Variants in TAF6L observed in about 807,000 individuals in gnomAD.
TAF6L encodes the protein TATA-box binding protein associated factor 6 like, also known as TAF6-like RNA polymerase II p300/CBP-associated factor-associated factor 65 kDa subunit 6L.
TAF6L carries 34 observed loss-of-function variants against 57.3 expected under a neutral mutation model. The observed-to-expected ratio is 0.59, with a 90% CI of 0.45 to 0.79. The LOEUF (loss-of-function observed/expected upper bound fraction) is 0.79, where lower values mean the gene tolerates loss of function less well. Among genes scored for constraint, TAF6L ranks in the 30% least tolerant of loss-of-function variants. The pLI is 0.00. For synonymous variants in TAF6L, 417 were observed against 376.3 expected, an observed-to-expected ratio of 1.11 and a Z score of -1.25; for missense variants, 782 against 853.2, an observed-to-expected ratio of 0.92 and a Z score of 1.04.
At position 62,787,117 on chromosome 11, in the gene TAF6L, A is replaced by G; in HGVS notation, c.1690A>G (p.Ile564Val). The change falls in exon 11 of 11, where the codon ATA (isoleucine) becomes GTA (valine). Residue 564 changes from isoleucine (I) to valine (V), a missense_variant. By Grantham distance (29) the Ile-to-Val change is conservative. Transcript: ENST00000294168. ...PRGAPHFRFI[I>V]AGRQAGRRCR... ...CGGCGCCCCGCACTTTCGTTTCATC[A>G]TAGCCGGGCGGCAGGCTGGGAGGCG... 4 of 1,553,822 alleles carry G rather than the reference A, an allele frequency of 2.6e-6. No homozygotes were observed. The highest frequency in any genetic ancestry group is 2.6e-6 in the Non-Finnish European group (3 of 1,157,944).
chr11:62,786,142 T>C (rs2134727373), intron 9 of TAF6L, 118 bp from the exon 10 acceptor site: 2 of 1,282,772 alleles, frequency 1.6e-6, no homozygotes, highest in Non-Finnish European at 1.1e-6. Flanking sequence ...TCAGGGAATT[T>C]AGGAGGATTG....
chr11:62,779,978 T>TATATATA (rs1590935179), intron 6 of TAF6L, among the ~76,000 whole-genome samples: 1 of 74,260 alleles, frequency 1.3e-5, no homozygotes, highest in Admixed American at 1.9e-4. Flanking sequence ...ATATATATAT[T>TATATATA]TTTTTTTTTT....
At position 62,786,853 on chromosome 11, in the gene TAF6L, G is replaced by A; in HGVS notation, c.1426G>A (p.Ala476Thr). 1 of 1,595,590 alleles carries A rather than the reference G, an allele frequency of 6.3e-7. No homozygotes were observed. The highest frequency in any genetic ancestry group is 1.7e-5 in the Admixed American group (1 of 59,116). The change falls in exon 11 of 11, where the codon GCG becomes ACG. Residue 476 changes from alanine to threonine, a missense_variant. Physicochemically the swap from Ala to Thr is moderately conservative, Grantham distance 58 (BLOSUM62 0). This residue lies in a region of TAF6L where 483 missense variants were observed against 445.1 expected (regional missense o/e 1.09). Coordinates refer to ENST00000294168, the MANE Select transcript of TAF6L (RefSeq NM_006473.4). The stretch of plus-strand genomic sequence containing the variant: ...GCCGCCCGGGGACAAGAAGGAGCCG[G>A]CGGCAGCCCCGGACTCGGTGCGGAA... ...PRPPGDKKEP[A>T]AAPDSVRKMP...
At chr11:62,772,751 T>C (rs1339929673) in intron 1 of TAF6L, among the ~76,000 whole-genome samples, 1 of 146,464 alleles carries the variant, frequency 6.8e-6, no homozygotes, top group Non-Finnish European at 1.5e-5. Context: ...TGAGCCGAGA[T>C]CAAGCCACTG....
Position 62,782,232 on chromosome 11 carries a change from C to A in TAF6L, c.726C>A (p.Val242=), listed in dbSNP as rs370896310. The part of the protein sequence containing the change: ...GPYVRCLVGS[V]LYCVLEPLAA... ...ATGTCCGCTGTCTGGTGGGCAGTGT[C>A]CTCTACTGTGTCCTGGAGCCACTGG... The change falls in exon 8 of 11, where the codon GTC becomes GTA. Residue 242 remains valine (V), a synonymous_variant. Transcript: ENST00000294168. 2 of 1,614,222 alleles carry A rather than the reference C, an allele frequency of 1.2e-6. No homozygotes were observed. Among genetic ancestry groups the A allele is most frequent in the South Asian group, 2.2e-5 (2 of 91,084 alleles).
At position 62,786,816 on chromosome 11, in the gene TAF6L, C is replaced by G. The variant is rs2084282894; in HGVS notation, c.1389C>G (p.Pro463=). The part of the protein sequence containing the change: ...ATRFGTGQPA[P]TAPRPPGDKK... The stretch of plus-strand genomic sequence containing the variant: ...GCTTTGGCACCGGCCAGCCTGCACC[C>G]ACGGCTCCGCGGCCGCCCGGGGACA... The change falls in exon 11 of 11, where the codon CCC becomes CCG. Residue 463 remains proline (P), a synonymous_variant. Transcript: ENST00000294168. The G allele has an allele frequency of 6.2e-7, 1 of 1,606,512 alleles. No individual in the cohort carries two copies. Among genetic ancestry groups the G allele is most frequent in the African/African-American group, 1.3e-5 (1 of 74,812 alleles).
chr11:62,775,985 C>T, intron 2 of TAF6L, 55 bp downstream of exon 2: 1 of 1,555,238 alleles, frequency 6.4e-7, no homozygotes, highest in South Asian at 1.2e-5. Flanking sequence ...TGCCTTTTTA[C>T]TAACCTCCAC....
intron 1 of TAF6L, among the ~76,000 whole-genome samples, chr11:62,774,058 C>T (rs1302665979): frequency 6.6e-6 from 1 of 151,970 alleles, no homozygotes; most frequent in Non-Finnish European, 1.5e-5. Context: ...CCTCCAGAGC[C>T]ATTGTTCAGA....
chr11:62,781,733 C>T, intron 6 of TAF6L, 161 bp from the exon 7 acceptor site: 1 of 623,472 alleles, frequency 1.6e-6, no homozygotes. Flanking sequence ...GAATGAGTTT[C>T]TGTAGGTTAC....
At chr11:62,776,869 C>T (rs1483656684) in intron 3 of TAF6L, among the ~76,000 whole-genome samples, 1 of 147,776 alleles carries the variant, frequency 6.8e-6, no homozygotes, top group Admixed American at 6.8e-5. Context: ...AAAAAAAAGG[C>T]CGGGCACAGG....
intron 9 of TAF6L, among the ~76,000 whole-genome samples, chr11:62,783,220 C>T (rs1001847289): frequency 3.9e-5 from 6 of 152,188 alleles, no homozygotes; most frequent in African/African-American, 7.2e-5. Flanking sequence ...CAGTGGCTCA[C>T]GCCTGTAATC....
intron 9 of TAF6L, among the ~76,000 whole-genome samples, chr11:62,784,278 G>T (rs1254595359): frequency 7.2e-6 from 1 of 138,832 alleles, no homozygotes; most frequent in East Asian, 2.2e-4. Context: ...GTGAGCCACC[G>T]GTGCCTGGCC....
At position 62,778,937 on chromosome 11, in the gene TAF6L, C is replaced by G; in HGVS notation, c.505C>G (p.Leu169Val). 6.2e-7 allele frequency: 1 copy of G among 1,613,822 alleles called. No homozygotes were observed. Among genetic ancestry groups the G allele is most frequent in the East Asian group, 2.2e-5 (1 of 44,872 alleles). ...KYYHQVTRAV[L>V]GDDPQLMKVA... ...CTATCACCAGGTGACTCGTGCTGTG[C>G]TAGGGGATGATCCGCAACTGATGAA... is the stretch of plus-strand genomic sequence containing the variant. Residue 169 changes from leucine to valine, a missense_variant, in exon 6 of 11, where the codon CTA becomes GTA. Coordinates refer to ENST00000294168, the MANE Select transcript of TAF6L (RefSeq NM_006473.4).
chr11:62,778,599 G>A, intron 5 of TAF6L: 1 of 616,382 alleles, frequency 1.6e-6, no homozygotes, highest in Non-Finnish European at 2.9e-6. Context: ...TCACCCCCAG[G>A]GTATGCTGAG....
Position 62,771,425 on chromosome 11 carries a change from GCGCCGC to G in TAF6L, c.-74_-69del, listed in dbSNP as rs950392637. On this transcript the variant is annotated 5_prime_UTR_variant, in exon 1 of 11. Transcript: ENST00000294168. Reference sequence around the variant, plus strand: ...GGAATGAGTGTGAGCTCGTGAGTGGGCGCCGCCGCCACCGCCCCCGCCGCCGTCGTC... The same window carrying G: ...GGAATGAGTGTGAGCTCGTGAGTGGGCGCCACCGCCCCCGCCGCCGTCGTC... 4 of 157,690 alleles carry G rather than the reference GCGCCGC, an allele frequency of 2.5e-5. No individual in the cohort carries two copies. The highest frequency in any genetic ancestry group is 6.5e-5 in the Admixed American group (1 of 15,398). 9.8% of individuals were successfully genotyped at this position (157,690 alleles called of 1,614,324 possible). A position where few individuals can be genotyped will look rare whatever the true frequency, so the allele number is the denominator to read the frequency against.
intron 1 of TAF6L, chr11:62,772,219 G>A (rs2084153852): frequency 2.2e-6 from 1 of 451,702 alleles, no homozygotes; most frequent in Non-Finnish European, 4.5e-6. Context: ...TGTGTCTCAG[G>A]CATAGTACAG....
chr11:62,775,727 C>T lies in TAF6L; in HGVS notation c.-13-44C>T, dbSNP rs1318559690. On this transcript the variant is annotated intron_variant, in intron 1 of 10. Transcript: ENST00000294168. ...TGTTGGATCACACTCCTGGGCTCTC[C>T]GGGAGGCTGGGCAGCTTTTCCAGTC... 2.5e-5 allele frequency: 39 copies of T among 1,560,104 alleles called. No homozygotes were observed. The Admixed American group carries it at 4.8e-4, about 19-fold the overall frequency.
At position 62,776,052 on chromosome 11, in the gene TAF6L, C is replaced by T. The variant is rs571582624; in HGVS notation, c.147+122C>T. ...GCCTGCTCCATACAACAGAGACAGT[C>T]CATGCCTTTACAGAACTCTACTTGT... On this transcript the variant is annotated intron_variant, in intron 2 of 10. Coordinates refer to ENST00000294168, the MANE Select transcript of TAF6L (RefSeq NM_006473.4). 8 of 1,278,434 alleles carry T rather than the reference C, an allele frequency of 6.3e-6. No individual in the cohort carries two copies. The East Asian group carries it at 2.0e-4, about 33-fold the overall frequency. 79.2% of individuals were successfully genotyped at this position (1,278,434 alleles called of 1,614,324 possible).
chr11:62,776,599 C>T, intron 3 of TAF6L, 129 bp downstream of exon 3: 1 of 904,744 alleles, frequency 1.1e-6, no homozygotes, highest in Non-Finnish European at 1.7e-6. Flanking sequence ...GCCTGTAATC[C>T]CAGCACTTTG....
Sources: allele counts gnomAD v4.1 joint callset (sites outside exome capture counted in the v4.1 genomes callset), GRCh38; gene constraint gnomAD v4.1.1; regional missense constraint gnomAD v4.1.1; transcripts MANE v1.5; gene names NCBI Gene and HGNC (gene_info 2026-07-23, HGNC 2026-07-21).